ADCY7: variants seen among roughly 807,000 people sequenced by gnomAD.
ADCY7 encodes adenylate cyclase 7.
A neutral mutation model predicts 120.6 loss-of-function variants in ADCY7; 72 were observed. The ratio of observed to expected loss-of-function variants is 0.60; its 90% CI spans 0.49 to 0.73. The LOEUF (loss-of-function observed/expected upper bound fraction) is 0.73, where lower values mean the gene tolerates loss of function less well. ADCY7 is among the 30% of genes least tolerant of loss of function. The probability of loss-of-function intolerance (pLI) is 0.00; values close to 1 mark genes in which losing one functional copy is unlikely to be tolerated. For missense variants in ADCY7, 1,227 were observed against 1,486.0 expected (o/e 0.83, Z 2.87); for synonymous variants, 661 against 628.0 (o/e 1.05, Z -0.78).
chr16:50,315,109 G>T lies in ADCY7; in HGVS notation c.3067G>T (p.Glu1023Ter). The part of the protein sequence containing the change: ...GNTVNVASRM[E>*]STGELGKIQV... ...CACTGTCAATGTGGCCAGCCGAATG[G>T]AAAGCACTGGAGAACTTGGGAAAAT... Residue 1023 changes from glutamate (E) to a stop codon, truncating the protein, a stop_gained, in exon 25 of 26, where the codon GAA (glutamate) becomes TAA (stop). Coordinates refer to ENST00000673801, the MANE Select transcript of ADCY7 (RefSeq NM_001114.5). LOFTEE classifies it high-confidence loss of function. 1 of 1,614,236 alleles carries T rather than the reference G, an allele frequency of 6.2e-7. No homozygotes were observed. Among genetic ancestry groups the T allele is most frequent in the Non-Finnish European group, 8.5e-7 (1 of 1,180,038 alleles).
rs953265995 is a variant in ADCY7, at chr16:50,304,647, T to C, written c.1560+96T>C. 8.6e-6 allele frequency: 11 copies of C among 1,280,262 alleles called. No homozygotes were observed. The African/African-American group carries it at 1.2e-4, about 14-fold the overall frequency. 79.3% of individuals were successfully genotyped at this position (1,280,262 alleles called of 1,614,324 possible). On this transcript the variant is annotated intron_variant, in intron 11 of 25. Coordinates refer to ENST00000673801, the MANE Select transcript of ADCY7 (RefSeq NM_001114.5). ...AGATCTCCTGCCCTCTCAGCCTCAC[T>C]GTCCCCATCTGTAAAATGGCCACAG...
At chr16:50,257,909 A>AT (rs1269540139) in intron 1 of ADCY7, among the ~76,000 whole-genome samples, 4 of 151,676 alleles carry the variant, frequency 2.6e-5, no homozygotes, top group African/African-American at 4.8e-5. Context: ...CACCAGGCTA[A>AT]TTTTTTTGTA....
rs936684412 is a variant in ADCY7 at position 50,293,261 on chromosome 16, G to T, written c.688-93G>T. The T allele has an allele frequency of 9.6e-6, 14 of 1,460,870 alleles. No homozygotes were observed. The African/African-American group carries it at 1.9e-4, about 20-fold the overall frequency. 90.5% of individuals were successfully genotyped at this position (1,460,870 alleles called of 1,614,324 possible). A position where few individuals can be genotyped will look rare whatever the true frequency, so the allele number is the denominator to read the frequency against. On this transcript the variant is annotated intron_variant, in intron 5 of 25. Transcript: ENST00000673801. ...GGAGGATGGGGGCCAAGGAGGCCAG[G>T]TCTGGGACCTGATGCTACCCTGCCT...
intron 24 of ADCY7, 127 bp downstream of exon 24, chr16:50,314,533 C>A: frequency 1.5e-6 from 1 of 663,282 alleles, no homozygotes; most frequent in South Asian, 1.9e-5. Flanking sequence ...ATCTGACAAG[C>A]TCAGCAGTTG....
At chr16:50,264,247 T>C (rs918248844), upstream of ADCY7, among the ~76,000 whole-genome samples, 2 of 152,232 alleles carry the variant, frequency 1.3e-5, no homozygotes, top group Admixed American at 1.3e-4. Flanking sequence ...TGTGGGTGGG[T>C]CTTTCACTGT....
At chr16:50,305,989 G>C in intron 14 of ADCY7, 140 bp downstream of exon 14, 3 of 820,288 alleles carry the variant, frequency 3.7e-6, no homozygotes. Context: ...GCTGCTCCTG[G>C]GCGGGGGGCA....
chr16:50,263,715 C>A (rs1048181071), upstream of ADCY7, among the ~76,000 whole-genome samples: 1 of 152,016 alleles, frequency 6.6e-6, no homozygotes, highest in African/African-American at 2.4e-5. Flanking sequence ...GATCATCTTG[C>A]AGAAATGTTG....
chr16:50,281,597 A>T (rs2034270794), intron 1 of ADCY7, among the ~76,000 whole-genome samples: 1 of 152,224 alleles, frequency 6.6e-6, no homozygotes, highest in Non-Finnish European at 1.5e-5. Context: ...GGACACACAC[A>T]CACAGATCCC....
At chr16:50,314,456 T>C in intron 24 of ADCY7, 50 bp downstream of exon 24, 2 of 1,418,132 alleles carry the variant, frequency 1.4e-6, no homozygotes, top group South Asian at 1.2e-5. Context: ...TCTAGGCCAG[T>C]CCACCCAGTC....
At position 50,315,033 on chromosome 16, in the gene ADCY7, G is replaced by A. The variant is rs2036727910; in HGVS notation, c.2991G>A (p.Val997=). 6.2e-7 allele frequency: 1 copy of A among 1,614,244 alleles called. No individual in the cohort carries two copies. The highest frequency in any genetic ancestry group is 8.5e-7 in the Non-Finnish European group (1 of 1,180,038). Residue 997 remains valine (V), a synonymous_variant, in exon 25 of 26, where the codon GTG becomes GTA. Transcript: ENST00000673801. ...RLRVGINHGP[V]IAGVIGARKP... is the part of the protein sequence containing the mutation. ...CTTCAGGCATAAACCATGGGCCTGTGATTGCTGGAGTGATTGGGGCCCGAA... is the reference window on the plus strand; with the variant it reads ...CTTCAGGCATAAACCATGGGCCTGTAATTGCTGGAGTGATTGGGGCCCGAA...
At chr16:50,261,562 C>T (rs567989192), upstream of ADCY7, among the ~76,000 whole-genome samples, 12 of 152,280 alleles carry the variant, frequency 7.9e-5, no homozygotes, top group South Asian at 2.1e-4. Context: ...GCGGGGAGAA[C>T]GCCTGGCTGG....
chr16:50,309,448 C>A, intron 17 of ADCY7, 100 bp from the exon 18 acceptor site: 1 of 932,054 alleles, frequency 1.1e-6, no homozygotes, highest in Non-Finnish European at 1.7e-6. Flanking sequence ...AAACCTCAGG[C>A]TGCTGTGATA....
chr16:50,256,206 A>G (rs2150789038), intron 1 of ADCY7, among the ~76,000 whole-genome samples: 1 of 152,304 alleles, frequency 6.6e-6, no homozygotes, highest in Non-Finnish European at 1.5e-5. Context: ...TCCAAAATAG[A>G]TAAGGAACTC....
intron 2 of ADCY7, 107 bp downstream of exon 2, chr16:50,288,457 T>C (rs2034721951): frequency 1.5e-5 from 18 of 1,218,184 alleles, no homozygotes; most frequent in Non-Finnish European, 2.0e-5. Flanking sequence ...TAAAATGCTA[T>C]GCTTTTTTGT....
At chr16:50,277,461 A>T (rs1013625705) in intron 1 of ADCY7, among the ~76,000 whole-genome samples, 1 of 152,280 alleles carries the variant, frequency 6.6e-6, no homozygotes, top group Non-Finnish European at 1.5e-5. Context: ...ACACAGACTT[A>T]TGAGACTTAT....
intron 19 of ADCY7, among the ~76,000 whole-genome samples, chr16:50,311,171 G>A (rs1039602325): frequency 1.3e-5 from 2 of 152,154 alleles, no homozygotes; most frequent in Non-Finnish European, 2.9e-5. Flanking sequence ...CCTGGGTCTC[G>A]AGTTCTGGAA....
chr16:50,290,439 T>C lies in ADCY7; in HGVS notation c.172-18T>C. ...ACTGGGGAAAGCCGAGGCATTCCTG[T>C]CTGTTTGCTCCACCCAGGACCCCTC... is the stretch of plus-strand genomic sequence containing the variant. On this transcript the variant is annotated intron_variant, in intron 2 of 25. Transcript: ENST00000673801. 1 of 1,613,774 alleles carries C rather than the reference T, an allele frequency of 6.2e-7. No individual in the cohort carries two copies. The highest frequency in any genetic ancestry group is 8.5e-7 in the Non-Finnish European group (1 of 1,179,836).
Position 50,312,817 on chromosome 16 carries a change from T to A in ADCY7, c.2605-73T>A. 7 of 1,442,012 alleles carry A rather than the reference T, an allele frequency of 4.9e-6. No homozygotes were observed. In the South Asian group the frequency reaches 8.3e-5, roughly 17 times the overall value. The allele number at this position is 1,442,012 out of a possible 1,614,324, so 89.3% of individuals were successfully genotyped here. ...TGGGCAGTTCAGCAGTGCCATCTGC[T>A]CCTGAGGCCTTGCCACTCTTCCTGT... On this transcript the variant is annotated intron_variant, in intron 21 of 25. Coordinates refer to ENST00000673801, the MANE Select transcript of ADCY7 (RefSeq NM_001114.5).
Position 50,291,670 on chromosome 16 carries a change from G to T in ADCY7, c.376-66G>T. 3.1e-6 allele frequency: 5 copies of T among 1,600,676 alleles called. No individual in the cohort carries two copies. In the South Asian group the frequency reaches 4.4e-5, roughly 14 times the overall value. ...ACTGGGTGGGCTGCTGTGGTGCAGG[G>T]TTCCGGGGGCTGTACGGCCTGGGGC... On this transcript the variant is annotated intron_variant, in intron 3 of 25. Transcript: ENST00000673801.
Sources: allele counts gnomAD v4.1 joint callset (sites outside exome capture counted in the v4.1 genomes callset), GRCh38; gene constraint gnomAD v4.1.1; transcripts MANE v1.5; gene names NCBI Gene and HGNC (gene_info 2026-07-23, HGNC 2026-07-21).